The following KIAA1328 variants were observed in gnomAD, a reference collection of about 807,000 sequenced individuals.
KIAA1328 encodes KIAA1328.
In KIAA1328, 52 loss-of-function variants were observed where a neutral mutation model predicts 68.1. The observed-to-expected ratio is 0.76, with a 90% confidence interval of 0.61 to 0.96. The LOEUF is 0.96. KIAA1328 is among the 40% of genes least tolerant of loss of function. KIAA1328 has a pLI of 0.00. For missense variants in KIAA1328, 641 were observed against 677.6 expected (o/e 0.95, Z 0.60); for synonymous variants, 232 against 239.4 (o/e 0.97, Z 0.28).
At chr18:36,953,365 C>A (rs2051245616) in intron 5 of KIAA1328, among the ~76,000 whole-genome samples, 1 of 129,054 alleles carries the variant, frequency 7.7e-6, no homozygotes. Flanking sequence ...ATAGCCAATG[C>A]CAACAACTAT....
chr18:36,956,548 G>A (rs1474498659), intron 5 of KIAA1328, among the ~76,000 whole-genome samples: 1 of 151,370 alleles, frequency 6.6e-6, no homozygotes, highest in Non-Finnish European at 1.5e-5. Context: ...GGAAGTGGGG[G>A]GGGGGTGCAT....
At chr18:37,156,351 G>T (rs1223208471) in intron 7 of KIAA1328, among the ~76,000 whole-genome samples, 1 of 150,148 alleles carries the variant, frequency 6.7e-6, no homozygotes, top group Non-Finnish European at 1.5e-5. Context: ...GCTTGAACCC[G>T]GGAGGCAGAG....
chr18:37,162,270 T>C (rs1484388869), intron 8 of KIAA1328, among the ~76,000 whole-genome samples: 1 of 151,790 alleles, frequency 6.6e-6, no homozygotes, highest in Non-Finnish European at 1.5e-5. Context: ...GGGAAGGTTG[T>C]AGTGTTGCAA....
downstream of KIAA1328, among the ~76,000 whole-genome samples, chr18:37,227,071 G>A (rs2060644376): frequency 6.6e-6 from 1 of 152,160 alleles, no homozygotes; most frequent in African/African-American, 2.4e-5. Flanking sequence ...CCAGGCCCAT[G>A]CAAAACTTTT....
intron 6 of KIAA1328, among the ~76,000 whole-genome samples, chr18:36,989,663 A>G (rs2053090548): frequency 6.6e-6 from 1 of 152,070 alleles, no homozygotes; most frequent in Admixed American, 6.6e-5. Context: ...TTTTTTTAAG[A>G]TGATCTGTTG....
At chr18:37,019,828 C>T (rs2054279396) in intron 6 of KIAA1328, among the ~76,000 whole-genome samples, 1 of 152,188 alleles carries the variant, frequency 6.6e-6, no homozygotes, top group Non-Finnish European at 1.5e-5. Context: ...ATACCATGAC[C>T]TATGTCCAGG....
intron 6 of KIAA1328, among the ~76,000 whole-genome samples, chr18:36,997,193 A>C (rs1201823311): frequency 6.6e-6 from 1 of 152,222 alleles, no homozygotes; most frequent in Non-Finnish European, 1.5e-5. Context: ...GGTATGACCC[A>C]TTAGGAGTCT....
At chr18:37,198,489 T>C (rs181617312) in intron 9 of KIAA1328, among the ~76,000 whole-genome samples, 330 of 152,246 alleles carry the variant, frequency 2.2e-3, no homozygotes, top group Non-Finnish European at 3.5e-3. Context: ...TTCAGTTTTA[T>C]TGGAGTGGTA....
chr18:36,939,587 T>G (rs28689067), intron 5 of KIAA1328, among the ~76,000 whole-genome samples: 2 of 152,216 alleles, frequency 1.3e-5, no homozygotes, highest in South Asian at 2.1e-4. Context: ...TTTACTTTTT[T>G]TTCTTGTCTA....
At chr18:37,214,896 T>G (rs563951719) in intron 9 of KIAA1328, among the ~76,000 whole-genome samples, 7 of 152,352 alleles carry the variant, frequency 4.6e-5, no homozygotes, top group Admixed American at 2.0e-4. Flanking sequence ...CTTAGGTATT[T>G]TATTCTCTTT....
chr18:37,043,733 C>T (rs971677534), intron 6 of KIAA1328, among the ~76,000 whole-genome samples: 1 of 152,170 alleles, frequency 6.6e-6, no homozygotes, highest in Non-Finnish European at 1.5e-5. Context: ...AACAGAGACA[C>T]TTAGATAATT....
intron 6 of KIAA1328, among the ~76,000 whole-genome samples, chr18:37,023,187 C>T (rs1231390338): frequency 6.6e-6 from 1 of 152,088 alleles, no homozygotes; most frequent in Non-Finnish European, 1.5e-5. Flanking sequence ...TGAGCCACCA[C>T]ACTTGGACTT....
intron 6 of KIAA1328, among the ~76,000 whole-genome samples, chr18:37,064,087 G>A (rs1349785639): frequency 1.3e-5 from 2 of 152,096 alleles, no homozygotes; most frequent in Admixed American, 1.3e-4. Flanking sequence ...ATTCCCTTTA[G>A]ATGTAAAATA....
chr18:37,024,213 T>G (rs1005267911), intron 6 of KIAA1328, among the ~76,000 whole-genome samples: 3 of 151,940 alleles, frequency 2.0e-5, no homozygotes, highest in African/African-American at 7.3e-5. Flanking sequence ...GGGCTGGTCC[T>G]GAACGAATGA....
chr18:36,838,854 C>T (rs1171346296), intron 3 of KIAA1328, among the ~76,000 whole-genome samples: 1 of 152,136 alleles, frequency 6.6e-6, no homozygotes, highest in Admixed American at 6.5e-5. Context: ...CCTACCTCAG[C>T]CTCCTGAGTA....
chr18:37,143,784 A>C (rs1238568680), intron 7 of KIAA1328, among the ~76,000 whole-genome samples: 1 of 151,962 alleles, frequency 6.6e-6, no homozygotes, highest in African/African-American at 2.4e-5. Flanking sequence ...TGATATAATC[A>C]TGTGGTTTTG....
At chr18:37,059,361 A>G (rs1358457276) in intron 6 of KIAA1328, among the ~76,000 whole-genome samples, 3 of 152,212 alleles carry the variant, frequency 2.0e-5, no homozygotes, top group African/African-American at 7.2e-5. Context: ...AAACAACCCC[A>G]TCAAAAAGTG....
intron 6 of KIAA1328, among the ~76,000 whole-genome samples, chr18:36,982,001 A>G (rs1161800906): frequency 1.3e-5 from 2 of 150,320 alleles, no homozygotes; most frequent in Admixed American, 6.7e-5. Flanking sequence ...AGTTGGAGAT[A>G]TAGCAGTTAG....
At position 36,880,805 on chromosome 18, in the gene KIAA1328, A is replaced by G. The variant is rs573084196; in HGVS notation, c.333-4752A>G. On this transcript the variant is annotated intron_variant, in intron 4 of 9. Transcript: ENST00000280020. Reference sequence around the variant, plus strand: ...ATTGTAAATAGATTGAATTTTGACAAATGCCTTTTCTGCTATTATAGATGA... The same window carrying G: ...ATTGTAAATAGATTGAATTTTGACAGATGCCTTTTCTGCTATTATAGATGA... Among the ~76,000 whole-genome samples the G allele has an allele frequency of 3.3e-5, 5 of 152,224 alleles. No homozygotes were observed. In the South Asian group the frequency reaches 1.0e-3, roughly 32 times the overall value.
Sources: allele counts gnomAD v4.1 joint callset (sites outside exome capture counted in the v4.1 genomes callset), GRCh38; gene constraint gnomAD v4.1.1; transcripts MANE v1.5; gene names NCBI Gene and HGNC (gene_info 2026-07-23, HGNC 2026-07-21).